Variants in TGFBRAP1 observed in about 807,000 individuals in gnomAD.
TGFBRAP1 encodes transforming growth factor-beta receptor-associated protein 1.
Under a neutral mutation model 83.2 loss-of-function variants are expected in TGFBRAP1, and 20 were observed. The observed-to-expected ratio is 0.24, with a 90% CI of 0.17 to 0.35. TGFBRAP1 has a LOEUF of 0.35. Ranked by LOEUF, TGFBRAP1 falls within the 10% of genes least tolerant of loss-of-function variation. TGFBRAP1 has a pLI of 1.00. For missense variants in TGFBRAP1, 950 were observed against 1,099.4 expected, an observed-to-expected ratio of 0.86 and a Z score of 1.92; for synonymous variants, 415 against 459.8, an observed-to-expected ratio of 0.90 and a Z score of 1.25.
At position 105,321,457 on chromosome 2, in the gene TGFBRAP1, C is replaced by T. The variant is rs546777047; in HGVS notation, c.-18+8168G>A. Among the ~76,000 whole-genome samples the T allele has an allele frequency of 2.4e-4, 36 of 152,242 alleles. 2 individuals are homozygous for T. The South Asian group carries it at 6.0e-3, about 25-fold the overall frequency. On this transcript the variant is annotated intron_variant, in intron 1 of 11. Coordinates refer to ENST00000393359, the MANE Select transcript of TGFBRAP1 (RefSeq NM_004257.6). ...TGCTGGGATTACAGGTGTGAGCCAC[C>T]ATGCCTGGCCTACAATGATGTTTTT...
intron 8 of TGFBRAP1, among the ~76,000 whole-genome samples, chr2:105,275,238 C>T (rs1009184852): frequency 1.3e-5 from 2 of 152,142 alleles, no homozygotes; most frequent in East Asian, 1.9e-4. Context: ...TCTGAGGGGT[C>T]GAGGAGCGGG....
Position 105,267,547 on chromosome 2 carries a change from CT to C in TGFBRAP1, c.2418del (p.Gly807GlufsTer113). On this transcript the variant is annotated frameshift_variant, in exon 12 of 12. Coordinates refer to ENST00000393359, the MANE Select transcript of TGFBRAP1 (RefSeq NM_004257.6). LOFTEE classifies it high-confidence loss of function. ...LIYTYDKMKL[K>X]GSSIQLSDKK... Reference sequence around the variant, plus strand: ...TTGTCTGAGAGTTGGATTGAGCTTCCTTTCAACTTCATCTGCAAGAAGAAAC... The same window carrying C: ...TTGTCTGAGAGTTGGATTGAGCTTCCTTCAACTTCATCTGCAAGAAGAAAC... The C allele has an allele frequency of 6.2e-7, 1 of 1,614,164 alleles. No homozygotes were observed. Among genetic ancestry groups the C allele is most frequent in the Non-Finnish European group, 8.5e-7 (1 of 1,180,036 alleles).
intron 7 of TGFBRAP1, among the ~76,000 whole-genome samples, chr2:105,277,069 C>T (rs528781942): frequency 6.6e-6 from 1 of 152,320 alleles, no homozygotes; most frequent in East Asian, 1.9e-4. Context: ...CAAAATGTGA[C>T]AATGCTAATA....
chr2:105,288,840 A>G (rs531055303), intron 4 of TGFBRAP1, among the ~76,000 whole-genome samples: 5 of 152,340 alleles, frequency 3.3e-5, no homozygotes, highest in African/African-American at 1.2e-4. Context: ...GTATATGTGT[A>G]TATATATCCC....
chr2:105,255,703 A>G, the TGFBRAP1 span, among the ~76,000 whole-genome samples: 2 of 152,140 alleles, frequency 1.3e-5, no homozygotes, highest in African/African-American at 4.8e-5. Context: ...TGGGGTCGCC[A>G]TCCACCTGTG....
At chr2:105,284,226 A>G in intron 5 of TGFBRAP1, 90 bp downstream of exon 5, 1 of 1,234,986 alleles carries the variant, frequency 8.1e-7, no homozygotes. Context: ...ACCATGCAAC[A>G]CATCCCACCG....
intron 1 of TGFBRAP1, among the ~76,000 whole-genome samples, chr2:105,309,386 T>C (rs1357063888): frequency 6.6e-6 from 1 of 152,212 alleles, no homozygotes; most frequent in Non-Finnish European, 1.5e-5. Context: ...TCACTGTCAC[T>C]TCCTCATCTC....
At chr2:105,315,609 C>T (rs186560613) in intron 1 of TGFBRAP1, among the ~76,000 whole-genome samples, 172 of 152,286 alleles carry the variant, frequency 1.1e-3, no homozygotes, top group African/African-American at 4.0e-3. Flanking sequence ...TGAAAAGATG[C>T]TCCCTATCTT....
At chr2:105,299,019 C>T (rs370928250) in intron 2 of TGFBRAP1, among the ~76,000 whole-genome samples, 77 of 152,276 alleles carry the variant, frequency 5.1e-4, no homozygotes, top group African/African-American at 1.7e-3. Flanking sequence ...TGGCTCACAC[C>T]TGTAATCCCA....
At chr2:105,282,310 G>C (rs986569812) in intron 5 of TGFBRAP1, among the ~76,000 whole-genome samples, 10 of 152,178 alleles carry the variant, frequency 6.6e-5, no homozygotes, top group Admixed American at 6.5e-4. Flanking sequence ...TGGTCTAAAG[G>C]AAGAGACACA....
At chr2:105,280,359 C>A in intron 6 of TGFBRAP1, 23 bp downstream of exon 6, 2 of 1,601,804 alleles carry the variant, frequency 1.2e-6, no homozygotes, top group South Asian at 2.2e-5. Flanking sequence ...AAGCCCTGAT[C>A]ATATCAGGAA....
chr2:105,286,478 C>T (rs955667079), intron 4 of TGFBRAP1, among the ~76,000 whole-genome samples: 3 of 152,168 alleles, frequency 2.0e-5, no homozygotes, highest in African/African-American at 7.2e-5. Flanking sequence ...AGGGAAAAGA[C>T]GAAAAGGATG....
chr2:105,284,512 AGCTGAGG>A, intron 4 of TGFBRAP1, 114 bp from the exon 5 acceptor site: 4 of 937,980 alleles, frequency 4.3e-6, no homozygotes, highest in Admixed American at 2.2e-5. Flanking sequence ...TAAAATTACA[AGCTGAGG>A]AAAAAACAAG....
At chr2:105,258,730 TACACACACACACACAC>T in the TGFBRAP1 span, among the ~76,000 whole-genome samples, 15 of 140,614 alleles carry the variant, frequency 1.1e-4, no homozygotes, top group African/African-American at 1.6e-4. Flanking sequence ...TCCCCACCCC[TACACACACACACACAC>T]ACACACACAC....
intron 7 of TGFBRAP1, among the ~76,000 whole-genome samples, chr2:105,277,155 C>T (rs550758724): frequency 5.8e-4 from 88 of 152,350 alleles, no homozygotes; most frequent in African/African-American, 1.7e-3. Flanking sequence ...AGATCTACCA[C>T]GGACACATGG....
intron 2 of TGFBRAP1, among the ~76,000 whole-genome samples, chr2:105,305,189 T>C (rs1024292177): frequency 3.9e-5 from 6 of 152,140 alleles, no homozygotes; most frequent in Non-Finnish European, 8.8e-5. Context: ...AAAACTGCTC[T>C]AAAAAAATAA....
chr2:105,327,392 C>T (rs911043927), intron 1 of TGFBRAP1: 6 of 152,002 alleles, frequency 3.9e-5, no homozygotes, highest in African/African-American at 1.5e-4. Flanking sequence ...AGGGAGACCC[C>T]TATCTCTACA....
chr2:105,312,562 A>G (rs1027912666), intron 1 of TGFBRAP1, among the ~76,000 whole-genome samples: 1 of 152,166 alleles, frequency 6.6e-6, no homozygotes. Flanking sequence ...CCGTCCTATT[A>G]AGGAAATAGG....
At chr2:105,279,806 G>A (rs986836104) in intron 6 of TGFBRAP1, among the ~76,000 whole-genome samples, 6 of 152,260 alleles carry the variant, frequency 3.9e-5, no homozygotes, top group Non-Finnish European at 7.4e-5. Flanking sequence ...GGGAGGCCGA[G>A]GCGAGCAGAC....
Sources: allele counts gnomAD v4.1 joint callset (sites outside exome capture counted in the v4.1 genomes callset), GRCh38; gene constraint gnomAD v4.1.1; transcripts MANE v1.5; gene names NCBI Gene and HGNC (gene_info 2026-07-23, HGNC 2026-07-21).